The following SLC35F4 variants were observed in gnomAD, a reference collection of about 807,000 sequenced individuals.
SLC35F4 encodes solute carrier family 35 member F4.
Under a neutral mutation model 44.2 loss-of-function variants are expected in SLC35F4, and 24 were observed. That is an observed-to-expected ratio of 0.54 (90% CI 0.39 to 0.76). SLC35F4 has a LOEUF of 0.76. Ranked by LOEUF, SLC35F4 falls within the 30% of genes least tolerant of loss-of-function variation. SLC35F4 has a pLI of 0.00. For missense variants in SLC35F4, 562 were observed against 586.1 expected (o/e 0.96, Z 0.42); for synonymous variants, 238 against 223.6 (o/e 1.06, Z -0.57).
intron 1 of SLC35F4, among the ~76,000 whole-genome samples, chr14:57,746,961 A>C (rs1224494548): frequency 1.3e-5 from 2 of 152,218 alleles, no homozygotes; most frequent in Admixed American, 1.3e-4. Flanking sequence ...CCTGCCCTAC[A>C]CAGGAAAGAA....
At chr14:57,900,878 C>G (rs1252903579) in intron 1 of SLC35F4, among the ~76,000 whole-genome samples, 2 of 152,142 alleles carry the variant, frequency 1.3e-5, no homozygotes, top group African/African-American at 4.8e-5. Context: ...AGACACTTCT[C>G]AAAAGAAGAC....
intron 1 of SLC35F4, among the ~76,000 whole-genome samples, chr14:57,698,431 G>C (rs570078591): frequency 9.5e-4 from 144 of 152,204 alleles, no homozygotes; most frequent in Non-Finnish European, 1.8e-3. Context: ...AAGGTTTTTG[G>C]TTTTGTTTTT....
chr14:57,622,834 TA>T (rs1453279492), intron 1 of SLC35F4, among the ~76,000 whole-genome samples: 1 of 150,992 alleles, frequency 6.6e-6, no homozygotes, highest in Non-Finnish European at 1.5e-5. Context: ...AAATAAAAAA[TA>T]AAAATAAAAA....
rs2077087874 is a variant in SLC35F4 at position 57,760,018 on chromosome 14, T to C, written c.103+105705A>G. The stretch of plus-strand genomic sequence containing the variant: ...TCTGTTCATTGTTTCTTTTTCTGTG[T>C]CACTTTTTAGTTTGATGTGGTCCTG... On this transcript the variant is annotated intron_variant, in intron 1 of 7. Transcript: ENST00000556826. Among the ~76,000 whole-genome samples, 3 of 152,226 alleles carry C rather than the reference T, an allele frequency of 2.0e-5. No individual in the cohort carries two copies. In the South Asian group the frequency reaches 6.2e-4, roughly 32 times the overall value.
intron 4 of SLC35F4, among the ~76,000 whole-genome samples, chr14:57,577,073 A>G (rs1345899476): frequency 1.3e-5 from 2 of 152,206 alleles, no homozygotes; most frequent in Non-Finnish European, 2.9e-5. Context: ...CTCTGGGCAG[A>G]GAATTCTGCA....
intron 1 of SLC35F4, among the ~76,000 whole-genome samples, chr14:57,791,769 G>C (rs1364634212): frequency 6.6e-6 from 1 of 152,190 alleles, no homozygotes; most frequent in Non-Finnish European, 1.5e-5. Context: ...ATACACCGTA[G>C]AATACTATGC....
chr14:57,914,762 G>A (rs541969535), intron 1 of SLC35F4, among the ~76,000 whole-genome samples: 95 of 152,282 alleles, frequency 6.2e-4, no homozygotes, highest in African/African-American at 2.3e-3. Context: ...TACTGGTTTA[G>A]GGGTTAGGCC....
At chr14:57,965,091 A>G (rs1483888516) in intron 1 of SLC35F4, among the ~76,000 whole-genome samples, 2 of 151,690 alleles carry the variant, frequency 1.3e-5, no homozygotes, top group Non-Finnish European at 2.9e-5. Context: ...ACAAATTACC[A>G]CAAACTTAGT....
intron 1 of SLC35F4, among the ~76,000 whole-genome samples, chr14:57,692,155 A>G (rs556016142): frequency 8.5e-5 from 13 of 152,218 alleles, no homozygotes; most frequent in Non-Finnish European, 1.5e-4. Context: ...GAAATTCTCT[A>G]TATTGCATCC....
At chr14:57,912,080 T>C (rs1049738646) in intron 1 of SLC35F4, among the ~76,000 whole-genome samples, 2 of 151,994 alleles carry the variant, frequency 1.3e-5, no homozygotes, top group African/African-American at 2.4e-5. Flanking sequence ...TATTTCTTTA[T>C]TATCCTTTTA....
intron 1 of SLC35F4, among the ~76,000 whole-genome samples, chr14:57,594,929 G>A (rs1312219614): frequency 6.6e-6 from 1 of 152,178 alleles, no homozygotes; most frequent in East Asian, 1.9e-4. Context: ...AGGGTGCTGT[G>A]CTGAGAAGGG....
intron 1 of SLC35F4, among the ~76,000 whole-genome samples, chr14:57,639,219 G>T (rs920560213): frequency 6.6e-6 from 1 of 152,052 alleles, no homozygotes; most frequent in Non-Finnish European, 1.5e-5. Context: ...GCTGACAAGA[G>T]ATAAAGACAG....
At chr14:57,694,409 T>C (rs1437866907) in intron 1 of SLC35F4, among the ~76,000 whole-genome samples, 1 of 152,222 alleles carries the variant, frequency 6.6e-6, no homozygotes, top group Non-Finnish European at 1.5e-5. Context: ...TGTGCCTTGC[T>C]TTTTTCATTT....
intron 1 of SLC35F4, among the ~76,000 whole-genome samples, chr14:57,741,504 A>G (rs544795492): frequency 2.0e-5 from 3 of 151,666 alleles, no homozygotes; most frequent in South Asian, 4.2e-4. Flanking sequence ...TGGAAGATCA[A>G]ATGAATGAAA....
At chr14:57,903,313 G>A (rs1889044465) in intron 1 of SLC35F4, among the ~76,000 whole-genome samples, 1 of 152,162 alleles carries the variant, frequency 6.6e-6, no homozygotes, top group Non-Finnish European at 1.5e-5. Context: ...AGAGGATTCT[G>A]GCTATCAGAA....
Position 57,577,810 on chromosome 14 carries a change from A to C in SLC35F4, c.807+3404T>G, listed in dbSNP as rs563219603. Among the ~76,000 whole-genome samples, 10 of 152,330 alleles carry C rather than the reference A, an allele frequency of 6.6e-5. No homozygotes were observed. In the East Asian group the frequency reaches 1.9e-3, roughly 29 times the overall value. ...GATTATCACTTTCTAACATTTTTGC[A>C]ATCAAAAAATTATCTTTTAAAGAAG... On this transcript the variant is annotated intron_variant, in intron 4 of 7. Coordinates refer to ENST00000556826, the MANE Select transcript of SLC35F4 (RefSeq NM_001306087.2).
At chr14:57,790,335 C>A (rs2077883044) in intron 1 of SLC35F4, among the ~76,000 whole-genome samples, 1 of 151,990 alleles carries the variant, frequency 6.6e-6, no homozygotes, top group Admixed American at 6.6e-5. Flanking sequence ...CACAAGAATT[C>A]CTATACAACA....
intron 1 of SLC35F4, among the ~76,000 whole-genome samples, chr14:57,823,116 A>C (rs994749640): frequency 2.0e-5 from 3 of 152,120 alleles, no homozygotes; most frequent in Non-Finnish European, 2.9e-5. Context: ...CACTGCACTC[A>C]GAATACCCTC....
chr14:57,727,824 A>G (rs991804014), intron 1 of SLC35F4, among the ~76,000 whole-genome samples: 1 of 152,194 alleles, frequency 6.6e-6, no homozygotes, highest in Admixed American at 6.5e-5. Flanking sequence ...CTTGAGAATG[A>G]ACCATGTGCT....
Sources: allele counts gnomAD v4.1 joint callset (sites outside exome capture counted in the v4.1 genomes callset), GRCh38; gene constraint gnomAD v4.1.1; transcripts MANE v1.5; gene names NCBI Gene and HGNC (gene_info 2026-07-23, HGNC 2026-07-21).